RAD23B: variants seen among roughly 807,000 people sequenced by gnomAD.
RAD23B encodes RAD23 nucleotide excision repair protein B.
RAD23B carries 5 observed loss-of-function variants against 49.1 expected under a neutral mutation model. The ratio of observed to expected loss-of-function variants is 0.10; its 90% confidence interval spans 0.05 to 0.21. The LOEUF (loss-of-function observed/expected upper bound fraction) is 0.21, where lower values mean the gene tolerates loss of function less well. RAD23B is among the 10% of genes least tolerant of loss of function. The probability of loss-of-function intolerance (pLI) is 1.00; values close to 1 mark genes in which losing one functional copy is unlikely to be tolerated. For synonymous variants in RAD23B, 184 were observed against 165.4 expected (o/e 1.11, Z -0.86); for missense variants, 356 against 486.7 (o/e 0.73, Z 2.53).
Position 107,318,717 on chromosome 9 carries a change from T to C in RAD23B, c.554-35T>C, listed in dbSNP as rs770955880. Reference sequence around the variant, plus strand: ...GTATAGAGAATGCTTATTTATTAAATGTTCCTTTTTTTCCCCTCCACCCTC... The same window carrying C: ...GTATAGAGAATGCTTATTTATTAAACGTTCCTTTTTTTCCCCTCCACCCTC... On this transcript the variant is annotated intron_variant, in intron 5 of 9. Coordinates refer to ENST00000358015, the MANE Select transcript of RAD23B (RefSeq NM_002874.5). The surrounding 1 kb of genome is among the most constrained non-coding windows in gnomAD (Gnocchi z 4.3). 6.3e-7 allele frequency: 1 copy of C among 1,580,606 alleles called. No homozygotes were observed. The highest frequency in any genetic ancestry group is 8.7e-7 in the Non-Finnish European group (1 of 1,154,778).
intron 9 of RAD23B, among the ~76,000 whole-genome samples, chr9:107,325,535 T>C (rs561082659): frequency 6.6e-6 from 1 of 152,294 alleles, no homozygotes; most frequent in East Asian, 1.9e-4. Context: ...TAATTTCATT[T>C]TCAGACTGTT....
At chr9:107,322,147 G>T (rs1191957031) in intron 7 of RAD23B, 29 bp downstream of exon 7, 5 of 1,542,588 alleles carry the variant, frequency 3.2e-6, no homozygotes, top group East Asian at 2.3e-5. Context: ...GATGGGGAGG[G>T]AATGGCCCTG....
chr9:107,329,080 TA>T (rs1450713760), intron 9 of RAD23B, among the ~76,000 whole-genome samples: 1 of 152,192 alleles, frequency 6.6e-6, no homozygotes, highest in Non-Finnish European at 1.5e-5. Context: ...TTGACATTAA[TA>T]AATAAAACAT....
chr9:107,321,088 T>A (rs1827102340), intron 6 of RAD23B, among the ~76,000 whole-genome samples: 1 of 151,944 alleles, frequency 6.6e-6, no homozygotes, highest in African/African-American at 2.4e-5. Context: ...CCCAAAAGAG[T>A]TTAGTGCATG....
intron 3 of RAD23B, among the ~76,000 whole-genome samples, chr9:107,306,051 CTATATATA>C (rs770269253): frequency 2.0e-5 from 1 of 49,792 alleles, no homozygotes; most frequent in Non-Finnish European, 3.7e-5. Flanking sequence ...CGGTTTATAT[CTATATATA>C]TATATATATA....
At chr9:107,304,207 A>AT (rs1826714675) in intron 3 of RAD23B, among the ~76,000 whole-genome samples, 1 of 152,216 alleles carries the variant, frequency 6.6e-6, no homozygotes, top group African/African-American at 2.4e-5. Flanking sequence ...AGAATAAAGT[A>AT]TAAGTAGCTG....
At chr9:107,317,872 A>G (rs1288693562) in intron 5 of RAD23B, among the ~76,000 whole-genome samples, 2 of 152,100 alleles carry the variant, frequency 1.3e-5, no homozygotes, top group Non-Finnish European at 2.9e-5. Flanking sequence ...CCAACTTTGT[A>G]TAGTGTACAA....
In RAD23B at chr9:107,306,580, A is replaced by G. The variant is rs374011602; in HGVS notation, c.430A>G (p.Lys144Glu). Reference protein sequence around the residue: ...SSEPAPASAAKQEKPAEKPAE... With the variant: ...SSEPAPASAAEQEKPAEKPAE... The stretch of plus-strand genomic sequence containing the variant: ...TGAACCTGCACCTGCTAGTGCAGCT[A>G]AACAAGAGAAGCCTGCAGAAAAGCC... Residue 144 changes from lysine to glutamate, a missense_variant, in exon 4 of 10, where the codon AAA becomes GAA. Physicochemically the swap from Lys to Glu is moderately conservative, Grantham distance 56. Coordinates refer to ENST00000358015, the MANE Select transcript of RAD23B (RefSeq NM_002874.5). 6.5e-5 allele frequency: 105 copies of G among 1,614,044 alleles called. 1 individual carries two copies. The highest frequency in any genetic ancestry group is 1.6e-4 in the Middle Eastern group (1 of 6,084).
At chr9:107,306,041 C>T (rs1307821135) in intron 3 of RAD23B, among the ~76,000 whole-genome samples, 77 of 76,406 alleles carry the variant, frequency 1.0e-3, no homozygotes, top group African/African-American at 4.1e-3. Context: ...GAAAATGATA[C>T]GGTTTATATC....
At chr9:107,294,070 C>T (rs999160654) in intron 1 of RAD23B, among the ~76,000 whole-genome samples, 8 of 152,136 alleles carry the variant, frequency 5.3e-5, no homozygotes, top group Admixed American at 1.3e-4. Flanking sequence ...AGAATAGTGC[C>T]AGTGCCACAG....
intron 4 of RAD23B, among the ~76,000 whole-genome samples, chr9:107,308,546 G>A (rs1564246635): frequency 6.6e-6 from 1 of 152,042 alleles, no homozygotes; most frequent in African/African-American, 2.4e-5. Flanking sequence ...TTTTCTTCCT[G>A]GAGTTGCAGT....
intron 1 of RAD23B, among the ~76,000 whole-genome samples, chr9:107,298,708 A>G (rs1826585204): frequency 6.6e-6 from 1 of 151,480 alleles, no homozygotes; most frequent in Admixed American, 6.6e-5. Flanking sequence ...AAAAATAAAT[A>G]TAAACTTATT....
chr9:107,287,092 A>T (rs974721007), intron 1 of RAD23B, among the ~76,000 whole-genome samples: 9 of 151,510 alleles, frequency 5.9e-5, no homozygotes, highest in African/African-American at 2.2e-4. Context: ...AAAAAAAAAA[A>T]TTCTGAAGTT....
intron 4 of RAD23B, among the ~76,000 whole-genome samples, chr9:107,309,314 A>G (rs1427658261): frequency 6.6e-6 from 1 of 152,232 alleles, no homozygotes; most frequent in African/African-American, 2.4e-5. Context: ...TGATACTACA[A>G]GACAGTTAAA....
At chr9:107,319,864 CTAAAG>C in intron 6 of RAD23B, among the ~76,000 whole-genome samples, 1 of 152,288 alleles carries the variant, frequency 6.6e-6, no homozygotes, top group South Asian at 2.1e-4. Context: ...GTGACACAGG[CTAAAG>C]TAATTGAATT....
intron 5 of RAD23B, among the ~76,000 whole-genome samples, chr9:107,315,977 T>C (rs1215499749): frequency 6.6e-6 from 1 of 152,154 alleles, no homozygotes; most frequent in African/African-American, 2.4e-5. Flanking sequence ...TGTCAGCCTG[T>C]GTTTGTATCT....
Position 107,329,744 on chromosome 9 carries a change from C to A in RAD23B, c.*88C>A. 11 of 484,634 alleles carry A rather than the reference C, an allele frequency of 2.3e-5. No individual in the cohort carries two copies. Among genetic ancestry groups the A allele is most frequent in the East Asian group, 6.3e-5 (1 of 15,768 alleles). The allele number at this position is 484,634 out of a possible 1,614,324, so 30.0% of individuals were successfully genotyped here. A position where few individuals can be genotyped will look rare whatever the true frequency, so the allele number is the denominator to read the frequency against. ...GTCTGGGATGACTTGGGCTCATATC[C>A]ACAATACTTGGTATAAGGTAGTAGA... On this transcript the variant is annotated 3_prime_UTR_variant, in exon 10 of 10. Coordinates refer to ENST00000358015, the MANE Select transcript of RAD23B (RefSeq NM_002874.5).
At chr9:107,306,802 G>A (rs1826788132) in intron 4 of RAD23B, among the ~76,000 whole-genome samples, 155 bp downstream of exon 4, 1 of 151,996 alleles carries the variant, frequency 6.6e-6, no homozygotes, top group Non-Finnish European at 1.5e-5. Context: ...CGTCTGTTTT[G>A]ATAGCTTACT....
chr9:107,286,459 A>G (rs1379629112), intron 1 of RAD23B, among the ~76,000 whole-genome samples: 1 of 152,178 alleles, frequency 6.6e-6, no homozygotes, highest in African/African-American at 2.4e-5. Flanking sequence ...ACTTTCTTAG[A>G]CTTATTAGGC....
Sources: gnomAD v4.1 joint callset for allele counts (sites outside exome capture counted in the v4.1 genomes callset) on GRCh38, gnomAD v4.1.1 for gene constraint, Gnocchi (gnomAD v3.1) non-coding constraint, MANE v1.5 for transcripts, NCBI Gene and HGNC (gene_info 2026-07-23, HGNC 2026-07-21) for gene names.